The following CSMD1 variants were observed in gnomAD, a reference collection of about 807,000 sequenced individuals.
CSMD1 encodes the protein CUB and Sushi multiple domains 1.
CSMD1 carries 213 observed loss-of-function variants against 417.5 expected under a neutral mutation model. That is an observed-to-expected ratio of 0.51 (90% CI 0.46 to 0.57). The LOEUF is 0.57. CSMD1 is among the 20% of genes least tolerant of loss of function. CSMD1 has a pLI of 0.00. For missense variants in CSMD1, 6,923 were observed against 4,529.7 expected (o/e 1.53, Z -15.17); for synonymous variants, 2,862 against 1,736.8 (o/e 1.65, Z -16.11).
intron 54 of CSMD1, among the ~76,000 whole-genome samples, chr8:2,989,170 A>G (rs1174367454): frequency 6.6e-6 from 1 of 152,234 alleles, no homozygotes; most frequent in African/African-American, 2.4e-5. Flanking sequence ...AACAGCAAGA[A>G]TCCCTGGCAA....
At chr8:3,361,647 A>G (rs886445539) in intron 20 of CSMD1, among the ~76,000 whole-genome samples, 3 of 64,162 alleles carry the variant, frequency 4.7e-5, no homozygotes, top group African/African-American at 1.7e-4. Flanking sequence ...GCAAGATTCC[A>G]TCTCAAAAAA....
At chr8:3,752,962 C>T (rs1472539870) in intron 6 of CSMD1, among the ~76,000 whole-genome samples, 1 of 152,104 alleles carries the variant, frequency 6.6e-6, no homozygotes, top group Non-Finnish European at 1.5e-5. Context: ...TTACTAAAAT[C>T]TCCAGCAGGA....
intron 2 of CSMD1, among the ~76,000 whole-genome samples, chr8:4,449,273 A>G (rs77972603): frequency 6.6e-6 from 1 of 152,330 alleles, no homozygotes; most frequent in Non-Finnish European, 1.5e-5. Context: ...TATTGAAAGG[A>G]AACTCAGAAA....
intron 5 of CSMD1, among the ~76,000 whole-genome samples, chr8:3,980,558 T>C (rs1813779920): frequency 6.6e-6 from 1 of 152,234 alleles, no homozygotes; most frequent in African/African-American, 2.4e-5. Context: ...GGTTTTCCAC[T>C]CAAATTCGTA....
intron 1 of CSMD1, among the ~76,000 whole-genome samples, chr8:4,705,442 A>G (rs921052176): frequency 6.6e-5 from 10 of 152,322 alleles, no homozygotes; most frequent in Admixed American, 5.2e-4. Flanking sequence ...GTCGCCTGTC[A>G]TTCAAAAGTG....
intron 3 of CSMD1, among the ~76,000 whole-genome samples, chr8:4,100,335 C>A (rs898928826): frequency 6.6e-6 from 1 of 152,228 alleles, no homozygotes; most frequent in African/African-American, 2.4e-5. Context: ...ATGAATGCCT[C>A]GTGACTTCTA....
Position 3,978,411 on chromosome 8 carries a change from AT to A in CSMD1, c.818+19491del, listed in dbSNP as rs201358456. 4.0e-3 allele frequency among the ~76,000 whole-genome samples: 615 copies of A among 151,934 alleles called. 7 individuals are homozygous for A. Among genetic ancestry groups the A allele is most frequent in the African/African-American group, 0.013 (557 of 41,440 alleles). On this transcript the variant is annotated intron_variant, in intron 5 of 69. Transcript: ENST00000635120. ...TAATTCATAGATTTCTTCCACTCAT[AT>A]TTTTTTTCTATTCATACTCTTGGAA...
chr8:4,323,789 C>G (rs1279826700), intron 3 of CSMD1, among the ~76,000 whole-genome samples: 4 of 152,146 alleles, frequency 2.6e-5, no homozygotes, highest in East Asian at 1.9e-4. Context: ...CCTATCTTGA[C>G]TTATTGAACC....
intron 5 of CSMD1, among the ~76,000 whole-genome samples, chr8:3,778,194 G>A (rs188433175): frequency 6.6e-6 from 1 of 152,224 alleles, no homozygotes; most frequent in Non-Finnish European, 1.5e-5. Context: ...GCAGGGACGG[G>A]ATCCTGGCCG....
intron 3 of CSMD1, among the ~76,000 whole-genome samples, chr8:4,338,225 T>C (rs1051630896): frequency 1.3e-5 from 2 of 152,194 alleles, no homozygotes; most frequent in Non-Finnish European, 2.9e-5. Context: ...TTCTTGCATA[T>C]TTCTAATATT....
chr8:3,080,472 T>C, intron 49 of CSMD1, among the ~76,000 whole-genome samples: 1 of 152,204 alleles, frequency 6.6e-6, no homozygotes, highest in East Asian at 1.9e-4. Flanking sequence ...TGGAGTTCCC[T>C]GAAACCAATA....
intron 5 of CSMD1, among the ~76,000 whole-genome samples, chr8:3,839,039 T>G (rs1220874646): frequency 7.8e-6 from 1 of 128,028 alleles, no homozygotes; most frequent in Non-Finnish European, 1.6e-5. Context: ...ATATATTTAT[T>G]ATATATATAA....
intron 11 of CSMD1, among the ~76,000 whole-genome samples, chr8:3,487,028 G>A (rs182183800): frequency 1.6e-3 from 237 of 152,178 alleles, no homozygotes; most frequent in African/African-American, 5.5e-3. Flanking sequence ...ACACACAGAA[G>A]GTGACACAAA....
At chr8:3,108,786 T>G in intron 43 of CSMD1, 38 bp from the exon 44 acceptor site, 7 of 1,570,024 alleles carry the variant, frequency 4.5e-6, no homozygotes, top group Non-Finnish European at 6.0e-6. Flanking sequence ...CTAAGGATAT[T>G]TACTTCTGAG....
intron 41 of CSMD1, among the ~76,000 whole-genome samples, chr8:3,138,800 T>C (rs190630522): frequency 1.3e-5 from 2 of 152,318 alleles, no homozygotes; most frequent in Admixed American, 1.3e-4. Flanking sequence ...AAATAAGAGC[T>C]TAGCCAGAGA....
intron 5 of CSMD1, among the ~76,000 whole-genome samples, chr8:3,878,648 G>T (rs911315981): frequency 6.6e-6 from 1 of 152,154 alleles, no homozygotes; most frequent in Non-Finnish European, 1.5e-5. Flanking sequence ...ATCTCCAAAA[G>T]ACCCAAATAA....
At position 3,623,545 on chromosome 8, in the gene CSMD1, A is replaced by G. The variant is rs186932780; in HGVS notation, c.1010-6748T>C. Among the ~76,000 whole-genome samples the G allele has an allele frequency of 1.6e-4, 24 of 152,348 alleles. 1 individual carries two copies. In the East Asian group the frequency reaches 4.2e-3, roughly 27 times the overall value. On this transcript the variant is annotated intron_variant, in intron 7 of 69. Coordinates refer to ENST00000635120, the MANE Select transcript of CSMD1 (RefSeq NM_033225.6). ...CTAAAAATAATTACAATGATACAAA[A>G]TTAAGCTTATGTGTTTGCTAGAAAC... is the stretch of plus-strand genomic sequence containing the variant.
chr8:4,030,886 T>A (rs1036569447), intron 4 of CSMD1, among the ~76,000 whole-genome samples: 4 of 152,192 alleles, frequency 2.6e-5, no homozygotes, highest in African/African-American at 9.6e-5. Flanking sequence ...ATCATCTCTC[T>A]CAAGTTCAAA....
At chr8:3,480,130 G>C (rs1817652999) in intron 11 of CSMD1, among the ~76,000 whole-genome samples, 1 of 152,096 alleles carries the variant, frequency 6.6e-6, no homozygotes, top group Non-Finnish European at 1.5e-5. Flanking sequence ...AGGCCTAGGT[G>C]GATGGATTGC....
Sources: allele counts gnomAD v4.1 joint callset (sites outside exome capture counted in the v4.1 genomes callset), GRCh38; gene constraint gnomAD v4.1.1; transcripts MANE v1.5; gene names NCBI Gene and HGNC (gene_info 2026-07-23, HGNC 2026-07-21).